The following SNRNP70 variants were observed in gnomAD, a reference collection of about 807,000 sequenced individuals.
SNRNP70 encodes small nuclear ribonucleoprotein U1 subunit 70.
A neutral mutation model predicts 50.5 loss-of-function variants in SNRNP70; 8 were observed. That is an observed-to-expected ratio of 0.16 (90% confidence interval 0.09 to 0.29). The LOEUF (loss-of-function observed/expected upper bound fraction) is 0.29, where lower values mean the gene tolerates loss of function less well. Ranked by LOEUF, SNRNP70 falls within the 10% of genes least tolerant of loss-of-function variation. The pLI, the probability that SNRNP70 is intolerant of heterozygous loss-of-function variation, is 1.00. For missense variants in SNRNP70, 529 were observed against 663.5 expected, an observed-to-expected ratio of 0.80 and a Z score of 2.23; for synonymous variants, 320 against 252.9, an observed-to-expected ratio of 1.27 and a Z score of -2.52.
At chr19:49,096,266 A>G (rs1343472214) in intron 4 of SNRNP70, among the ~76,000 whole-genome samples, 2 of 151,568 alleles carry the variant, frequency 1.3e-5, no homozygotes, top group African/African-American at 2.4e-5. Context: ...CATGTTTGCC[A>G]GGCTGGTCTC....
chr19:49,108,135 G>T lies in SNRNP70; in HGVS notation c.1006G>T (p.Gly336Trp). 2 of 1,544,602 alleles carry T rather than the reference G, an allele frequency of 1.3e-6. No homozygotes were observed. Among genetic ancestry groups the T allele is most frequent in the East Asian group, 4.8e-5 (2 of 42,090 alleles). The change falls in exon 10 of 10, where the codon GGG (glycine) becomes TGG (tryptophan). Residue 336 changes from glycine (G) to tryptophan (W), a missense_variant. Gly to Trp is a radical substitution (Grantham distance 184, BLOSUM62 -2). This residue lies in a region of SNRNP70 where 327 missense variants were observed against 308.8 expected (regional missense o/e 1.06). Transcript: ENST00000598441. ...PPDDGPPGEL[G>W]PDGPDGPEEK... ...TGATGATGGGCCTCCAGGGGAGCTC[G>T]GGCCTGACGGCCCTGACGGTCCAGA...
intron 8 of SNRNP70, among the ~76,000 whole-genome samples, chr19:49,105,259 C>G (rs997438371): frequency 6.6e-6 from 1 of 152,124 alleles, no homozygotes; most frequent in Non-Finnish European, 1.5e-5. Flanking sequence ...TGCATTCGGT[C>G]TCCTCATTGT....
intron 4 of SNRNP70, among the ~76,000 whole-genome samples, chr19:49,093,326 T>G (rs965582749): frequency 1.3e-5 from 2 of 151,938 alleles, no homozygotes; most frequent in Non-Finnish European, 2.9e-5. Flanking sequence ...CCTCAGGTGA[T>G]CTGCCCGCCT....
At chr19:49,093,846 A>C (rs1182941828) in intron 4 of SNRNP70, among the ~76,000 whole-genome samples, 1 of 149,170 alleles carries the variant, frequency 6.7e-6, no homozygotes, top group Non-Finnish European at 1.5e-5. Flanking sequence ...ATACCAAAAC[A>C]AAAACAAAAA....
Position 49,085,599 on chromosome 19 carries a change from C to T in SNRNP70, c.-48C>T, listed in dbSNP as rs1455898271. On this transcript the variant is annotated 5_prime_UTR_variant, in exon 1 of 10. Transcript: ENST00000598441. ...GAGGGGCTGCCGCAGCCGCCGCGAG[C>T]CTCCGGACAGACGCCAGAGCGAGGA... The T allele has an allele frequency of 2.2e-6, 1 of 456,088 alleles. No individual in the cohort carries two copies. Among genetic ancestry groups the T allele is most frequent in the Non-Finnish European group, 4.4e-6 (1 of 226,800 alleles). The allele number at this position is 456,088 out of a possible 1,614,324, so 28.3% of individuals were successfully genotyped here.
At chr19:49,087,056 T>C (rs1363110462) in intron 2 of SNRNP70, among the ~76,000 whole-genome samples, 7 of 151,360 alleles carry the variant, frequency 4.6e-5, no homozygotes, top group African/African-American at 1.7e-4. Context: ...ACATGGTGCC[T>C]GTAATTCCAG....
intron 4 of SNRNP70, among the ~76,000 whole-genome samples, chr19:49,093,699 A>AAAAAAAC (rs2040478567): frequency 6.7e-6 from 1 of 148,738 alleles, no homozygotes. Context: ...AAAACAAAAA[A>AAAAAAAC]AAAAACAGTT....
At chr19:49,091,865 GT>G (rs1186281322) in intron 4 of SNRNP70, among the ~76,000 whole-genome samples, 3 of 152,098 alleles carry the variant, frequency 2.0e-5, no homozygotes, top group African/African-American at 7.2e-5. Flanking sequence ...TTTCCTTTGG[GT>G]GTTTTCTCTG....
At chr19:49,086,017 C>T (rs375095579) in intron 1 of SNRNP70, among the ~76,000 whole-genome samples, 7 of 152,194 alleles carry the variant, frequency 4.6e-5, no homozygotes, top group South Asian at 2.1e-4. Context: ...TCCCCAGGAC[C>T]CTGCAAACTG....
intron 6 of SNRNP70, among the ~76,000 whole-genome samples, chr19:49,101,022 T>G (rs1479775601): frequency 1.3e-5 from 2 of 152,074 alleles, no homozygotes; most frequent in Non-Finnish European, 2.9e-5. Flanking sequence ...TGGCTTCATC[T>G]CCTGGGACTC....
At chr19:49,098,278 T>A (rs1002581635) in intron 4 of SNRNP70, 149 bp from the exon 5 acceptor site, 4 of 680,936 alleles carry the variant, frequency 5.9e-6, no homozygotes, top group Non-Finnish European at 1.0e-5. Flanking sequence ...GGGGCGTCCC[T>A]GAGGTTGCCA....
chr19:49,104,522 C>A lies in SNRNP70; in HGVS notation c.476-112C>A. 1.3e-6 allele frequency: 1 copy of A among 794,740 alleles called. No individual in the cohort carries two copies. The allele number at this position is 794,740 out of a possible 1,614,324, so 49.2% of individuals were successfully genotyped here. A position where few individuals can be genotyped will look rare whatever the true frequency, so the allele number is the denominator to read the frequency against. On this transcript the variant is annotated intron_variant, in intron 7 of 9. Transcript: ENST00000598441. This position sits in a 1 kb window ranked among gnomAD's most constrained non-coding sequence, Gnocchi z 5.4. ...TGCCTGGCTGTCTGTTGGGCGTGTG[C>A]GTGTGCGTGATGATGGGGACACGGG...
chr19:49,090,416 A>G (rs898559466), intron 3 of SNRNP70, 50 bp from the exon 4 acceptor site: 1 of 1,612,722 alleles, frequency 6.2e-7, no homozygotes, highest in Admixed American at 1.7e-5. Context: ...CCTTGACACT[A>G]GGGCACTTCT....
At chr19:49,100,459 C>T (rs1363793263) in intron 6 of SNRNP70, among the ~76,000 whole-genome samples, 4 of 152,178 alleles carry the variant, frequency 2.6e-5, no homozygotes, top group Admixed American at 6.5e-5. Flanking sequence ...CATCGTGCCA[C>T]GTTCTCTCAA....
intron 2 of SNRNP70, among the ~76,000 whole-genome samples, chr19:49,089,998 T>A (rs2040428461): frequency 6.6e-6 from 1 of 152,048 alleles, no homozygotes; most frequent in Admixed American, 6.6e-5. Context: ...TTTGTGGAGA[T>A]GGTGTTTCAC....
In SNRNP70 at chr19:49,108,369, T is replaced by C; in HGVS notation, c.1240T>C (p.Tyr414His). The C allele has an allele frequency of 6.2e-7, 1 of 1,611,188 alleles. No individual in the cohort carries two copies. Among genetic ancestry groups the C allele is most frequent in the East Asian group, 2.2e-5 (1 of 44,734 alleles). ...EGLGNDSRDM[Y>H]MESEGGDGYL... The stretch of plus-strand genomic sequence containing the variant: ...TCTGGGCAACGACAGCCGAGACATG[T>C]ACATGGAGTCTGAGGGCGGCGACGG... Residue 414 changes from tyrosine to histidine, a missense_variant, in exon 10 of 10, where the codon TAC becomes CAC. By Grantham distance (83) the Tyr-to-His change is moderately conservative. Coordinates refer to ENST00000598441, the MANE Select transcript of SNRNP70 (RefSeq NM_003089.6).
At chr19:49,092,859 C>T (rs569164058) in intron 4 of SNRNP70, among the ~76,000 whole-genome samples, 1 of 149,948 alleles carries the variant, frequency 6.7e-6, no homozygotes, top group Admixed American at 6.9e-5. Context: ...CCTCAGCCTC[C>T]CTCAGTGCTG....
Position 49,090,497 on chromosome 19 carries a change from A to G in SNRNP70, c.242A>G (p.Glu81Gly). 1 of 1,614,154 alleles carries G rather than the reference A, an allele frequency of 6.2e-7. No homozygotes were observed. Among genetic ancestry groups the G allele is most frequent in the African/African-American group, 1.3e-5 (1 of 75,038 alleles). Residue 81 changes from glutamate to glycine, a missense_variant, in exon 4 of 10, where the codon GAA becomes GGA. Coordinates refer to ENST00000598441, the MANE Select transcript of SNRNP70 (RefSeq NM_003089.6). ...GAAAAGATTGAGCGGCGACAGCAAG[A>G]AGTGGAGACAGAGCTTAAAATGTGT... is the stretch of plus-strand genomic sequence containing the variant. ...RREKIERRQQEVETELKMWDP... is the reference protein window; with the variant it reads ...RREKIERRQQGVETELKMWDP...
chr19:49,090,117 C>G (rs2040429813), intron 2 of SNRNP70, among the ~76,000 whole-genome samples, 174 bp from the exon 3 acceptor site: 1 of 148,608 alleles, frequency 6.7e-6, no homozygotes, highest in South Asian at 2.1e-4. Flanking sequence ...GGCTGCAGAC[C>G]TTGCTTTGAT....
Sources: allele counts gnomAD v4.1 joint callset (sites outside exome capture counted in the v4.1 genomes callset), GRCh38; gene constraint gnomAD v4.1.1; regional missense constraint gnomAD v4.1.1; non-coding constraint Gnocchi (gnomAD v3.1); transcripts MANE v1.5; gene names NCBI Gene and HGNC (gene_info 2026-07-23, HGNC 2026-07-21).